Variants in SKIC3 observed in about 807,000 individuals in gnomAD.
SKIC3 encodes SKI3 subunit of superkiller complex.
At chr5:95,484,630 A>G in the SKIC3 span, 3 of 1,559,880 alleles carry the variant, frequency 1.9e-6, no homozygotes, top group African/African-American at 1.4e-5. Flanking sequence ...TACAGGAGTG[A>G]GCCACCGCAT....
the SKIC3 span, chr5:95,529,035 A>C: frequency 1.9e-6 from 3 of 1,613,762 alleles, no homozygotes; most frequent in Non-Finnish European, 8.5e-7. Flanking sequence ...CTTTAGGTCT[A>C]TGCATTTTGA....
chr5:95,529,403 T>C, the SKIC3 span: 318 of 414,472 alleles, frequency 7.7e-4, no homozygotes, highest in African/African-American at 6.2e-3. Flanking sequence ...GATTATAAAA[T>C]TCCCCTGCTA....
the SKIC3 span, among the ~76,000 whole-genome samples, chr5:95,535,307 A>ATTTTTTT: frequency 4.4e-5 from 4 of 91,808 alleles, no homozygotes; most frequent in Admixed American, 1.3e-4. Context: ...GGTAACAGCA[A>ATTTTTTT]TTTTTTTTTT....
chr5:95,495,019 T>A, the SKIC3 span: 1 of 1,613,520 alleles, frequency 6.2e-7, no homozygotes, highest in African/African-American at 1.3e-5. Flanking sequence ...AACACCTCCC[T>A]AGAACAGAAA....
At chr5:95,471,674 C>T in the SKIC3 span, among the ~76,000 whole-genome samples, 2 of 152,176 alleles carry the variant, frequency 1.3e-5, no homozygotes, top group African/African-American at 4.8e-5. Flanking sequence ...TTCCTTTTCC[C>T]TAGTACTGCC....
chr5:95,494,579 T>C, the SKIC3 span: 5 of 1,213,154 alleles, frequency 4.1e-6, no homozygotes, highest in African/African-American at 3.0e-5. Flanking sequence ...GTATAAACAA[T>C]GCCAATAAAA....
the SKIC3 span, among the ~76,000 whole-genome samples, chr5:95,467,129 G>A: frequency 1.3e-5 from 2 of 152,024 alleles, no homozygotes; most frequent in African/African-American, 4.8e-5. Flanking sequence ...ACAAACCTCA[G>A]TACATTTAAT....
the SKIC3 span, among the ~76,000 whole-genome samples, chr5:95,537,435 G>T: frequency 6.6e-6 from 1 of 152,178 alleles, no homozygotes; most frequent in Non-Finnish European, 1.5e-5. Context: ...GTCAACCAGA[G>T]TATAGTCTTA....
the SKIC3 span, among the ~76,000 whole-genome samples, chr5:95,466,242 A>G: frequency 1.3e-3 from 192 of 152,346 alleles, 1 homozygote; most frequent in Non-Finnish European, 4.7e-4. Context: ...CCAGAGCCAT[A>G]GCATGAGAAG....
the SKIC3 span, chr5:95,525,455 T>C: frequency 1.9e-6 from 3 of 1,613,956 alleles, no homozygotes; most frequent in Non-Finnish European, 2.5e-6. Context: ...CTCAAGGGCA[T>C]GAACTTCAGC....
the SKIC3 span, among the ~76,000 whole-genome samples, chr5:95,484,340 CTTTTTTTT>C: frequency 9.8e-4 from 117 of 119,914 alleles, no homozygotes; most frequent in African/African-American, 2.3e-3. Flanking sequence ...ATGCATTCCT[CTTTTTTTT>C]TTTTTTTTTT....
chr5:95,475,697 T>C, the SKIC3 span, among the ~76,000 whole-genome samples: 1 of 152,260 alleles, frequency 6.6e-6, no homozygotes, highest in Non-Finnish European at 1.5e-5. Context: ...GGCTTATTTC[T>C]GGATGCTTCC....
At chr5:95,478,072 C>CT in the SKIC3 span, among the ~76,000 whole-genome samples, 10 of 152,072 alleles carry the variant, frequency 6.6e-5, no homozygotes, top group African/African-American at 2.4e-4. Context: ...AAACTGTAAT[C>CT]TTTTTTCCCC....
the SKIC3 span, chr5:95,541,890 T>A: frequency 1.2e-6 from 2 of 1,612,472 alleles, no homozygotes; most frequent in Non-Finnish European, 1.7e-6. Flanking sequence ...ATATTTCTCA[T>A]ACAAGTTTGC....
chr5:95,547,004 A>G, the SKIC3 span: 1 of 1,522,400 alleles, frequency 6.6e-7, no homozygotes, highest in Non-Finnish European at 9.1e-7. Flanking sequence ...TTACAAATCA[A>G]CAATGTTTAT....
the SKIC3 span, chr5:95,494,718 G>T: frequency 6.2e-7 from 1 of 1,613,652 alleles, no homozygotes; most frequent in Non-Finnish European, 8.5e-7. Flanking sequence ...ATGGTCTTTA[G>T]TGCAGTATTT....
the SKIC3 span, chr5:95,529,208 A>C: frequency 3.3e-6 from 3 of 899,526 alleles, no homozygotes; most frequent in Admixed American, 2.0e-5. Flanking sequence ...TTCATCTCTC[A>C]TATCTCATCA....
chr5:95,483,697 G>A, the SKIC3 span, among the ~76,000 whole-genome samples: 18 of 152,160 alleles, frequency 1.2e-4, no homozygotes, highest in Non-Finnish European at 2.5e-4. Context: ...GAAAAGTCAC[G>A]TTCAAAACTC....
At chr5:95,531,959 G>A in the SKIC3 span, among the ~76,000 whole-genome samples, 1 of 152,038 alleles carries the variant, frequency 6.6e-6, no homozygotes, top group African/African-American at 2.4e-5. Context: ...GGCTTAGTCT[G>A]TTAATAGGTA....
Sources: gnomAD v4.1 joint callset for allele counts (sites outside exome capture counted in the v4.1 genomes callset) on GRCh38, gnomAD v4.1.1 for gene constraint, MANE v1.5 for transcripts, NCBI Gene and HGNC (gene_info 2026-07-23, HGNC 2026-07-21) for gene names.